Variants in WWP1 observed in about 807,000 individuals in gnomAD.
WWP1 encodes the protein NEDD4-like E3 ubiquitin-protein ligase WWP1.
In WWP1, 49 loss-of-function variants were observed where a neutral mutation model predicts 130.6. That is an observed-to-expected ratio of 0.38 (90% CI 0.30 to 0.48). The LOEUF (loss-of-function observed/expected upper bound fraction) is 0.48. Among genes scored for constraint, WWP1 ranks in the 20% least tolerant of loss-of-function variants. The pLI is 0.99. For synonymous variants in WWP1, 332 were observed against 367.8 expected (o/e 0.90, Z 1.11); for missense variants, 809 against 1,100.6 (o/e 0.74, Z 3.75).
At chr8:86,344,966 A>G (rs899920245) in intron 1 of WWP1, among the ~76,000 whole-genome samples, 6 of 152,146 alleles carry the variant, frequency 3.9e-5, no homozygotes, top group African/African-American at 1.4e-4. Flanking sequence ...ATTGGGAGTG[A>G]AACAATTTGA....
At chr8:86,408,769 G>T (rs1331357297) in intron 8 of WWP1, among the ~76,000 whole-genome samples, 1 of 152,110 alleles carries the variant, frequency 6.6e-6, no homozygotes, top group African/African-American at 2.4e-5. Context: ...ATTTAGCCGG[G>T]TGTGGTGACG....
chr8:86,435,940 C>T (rs1036313630), intron 16 of WWP1, among the ~76,000 whole-genome samples: 1 of 152,126 alleles, frequency 6.6e-6, no homozygotes, highest in South Asian at 2.1e-4. Context: ...CTCGAACGAT[C>T]TACCCACCTC....
intron 1 of WWP1, among the ~76,000 whole-genome samples, chr8:86,362,796 T>G (rs1350732880): frequency 1.3e-5 from 2 of 152,052 alleles, no homozygotes; most frequent in African/African-American, 4.8e-5. Flanking sequence ...TTACAGAAAT[T>G]TACATCAGAA....
At chr8:86,357,303 C>T (rs1018688629) in intron 1 of WWP1, among the ~76,000 whole-genome samples, 4 of 152,074 alleles carry the variant, frequency 2.6e-5, no homozygotes, top group African/African-American at 9.7e-5. Flanking sequence ...ACTGATGACT[C>T]TTGGAGGGAT....
chr8:86,366,993 T>C (rs1824013052), intron 1 of WWP1, among the ~76,000 whole-genome samples: 1 of 152,226 alleles, frequency 6.6e-6, no homozygotes, highest in Non-Finnish European at 1.5e-5. Flanking sequence ...GGGGGGAGAC[T>C]GCATGGTTCA....
At chr8:86,433,921 G>GAA (rs529439522) in intron 14 of WWP1, among the ~76,000 whole-genome samples, 1 of 141,750 alleles carries the variant, frequency 7.1e-6, no homozygotes, top group African/African-American at 2.6e-5. Context: ...TCCATCTTAG[G>GAA]AAAAAAAAAA....
chr8:86,452,501 TTAAGTA>T (rs1434207056), intron 20 of WWP1, 52 bp from the exon 21 acceptor site: 2 of 1,455,738 alleles, frequency 1.4e-6, no homozygotes, highest in African/African-American at 1.5e-5. Flanking sequence ...CTTGGTGTTT[TTAAGTA>T]TTTTACTTCA....
intron 9 of WWP1, among the ~76,000 whole-genome samples, chr8:86,412,546 G>A (rs548936380): frequency 6.6e-6 from 1 of 152,258 alleles, no homozygotes; most frequent in Non-Finnish European, 1.5e-5. Context: ...AGTATATACA[G>A]TACAGTCAGA....
chr8:86,450,123 T>C (rs1811094773), intron 20 of WWP1, among the ~76,000 whole-genome samples: 1 of 152,230 alleles, frequency 6.6e-6, no homozygotes, highest in East Asian at 1.9e-4. Flanking sequence ...CCTTCTTTTT[T>C]CCCTTCTTGT....
chr8:86,438,814 T>C (rs1383280888), intron 17 of WWP1, 141 bp downstream of exon 17: 7 of 593,946 alleles, frequency 1.2e-5, no homozygotes, highest in African/African-American at 3.7e-5. Context: ...ATACACACGG[T>C]AACCATTATT....
At chr8:86,416,938 C>T (rs1412341377) in intron 9 of WWP1, among the ~76,000 whole-genome samples, 1 of 152,132 alleles carries the variant, frequency 6.6e-6, no homozygotes, top group Non-Finnish European at 1.5e-5. Flanking sequence ...AAAGTACCTT[C>T]CTCCCTTGCT....
intron 2 of WWP1, among the ~76,000 whole-genome samples, chr8:86,369,616 A>G (rs927695110): frequency 6.6e-6 from 1 of 152,298 alleles, no homozygotes; most frequent in African/African-American, 2.4e-5. Context: ...CAAATAAGTA[A>G]TCTATGCCTC....
chr8:86,344,665 G>C (rs1368272468), intron 1 of WWP1, among the ~76,000 whole-genome samples: 1 of 152,208 alleles, frequency 6.6e-6, no homozygotes. Flanking sequence ...AGGGATAAGA[G>C]GGTTAGTTTG....
intron 5 of WWP1, chr8:86,386,740 T>C (rs573594134): frequency 6.6e-6 from 1 of 152,288 alleles, no homozygotes. Flanking sequence ...AGGGATTCAA[T>C]TTTTTCCGTA....
At chr8:86,386,236 T>A (rs1825277322) in intron 5 of WWP1, among the ~76,000 whole-genome samples, 1 of 152,172 alleles carries the variant, frequency 6.6e-6, no homozygotes, top group Non-Finnish European at 1.5e-5. Flanking sequence ...TTTTTATATT[T>A]CATTCTTTAA....
chr8:86,391,354 G>T (rs1362360783), intron 5 of WWP1, among the ~76,000 whole-genome samples: 1 of 152,170 alleles, frequency 6.6e-6, no homozygotes, highest in African/African-American at 2.4e-5. Context: ...CTGTGTTCAG[G>T]TCAGTTGAAC....
At chr8:86,402,410 C>T (rs942426822) in intron 8 of WWP1, among the ~76,000 whole-genome samples, 5 of 150,878 alleles carry the variant, frequency 3.3e-5, no homozygotes, top group Non-Finnish European at 1.5e-5. Flanking sequence ...CTCAGCCTCC[C>T]AAGTAGCTGG....
chr8:86,409,066 T>A (rs1808434533), intron 8 of WWP1, among the ~76,000 whole-genome samples: 1 of 152,068 alleles, frequency 6.6e-6, no homozygotes, highest in African/African-American at 2.4e-5. Context: ...AAATAATCTA[T>A]TTGTCATTTT....
intron 22 of WWP1, among the ~76,000 whole-genome samples, chr8:86,459,023 C>CTTTTTTTTTTTTT (rs71275853): frequency 4.2e-3 from 355 of 84,252 alleles, no homozygotes; most frequent in Middle Eastern, 0.011. Context: ...TTTCTTTTTT[C>CTTTTTTTTTTTTT]TTTTTTTTTT....
Sources: gnomAD v4.1 joint callset for allele counts (sites outside exome capture counted in the v4.1 genomes callset) on GRCh38, gnomAD v4.1.1 for gene constraint, MANE v1.5 for transcripts, NCBI Gene and HGNC (gene_info 2026-07-23, HGNC 2026-07-21) for gene names.